The following PCDH15 variants were observed in gnomAD, a reference collection of about 807,000 sequenced individuals.
PCDH15 encodes the protein protocadherin related 15.
In PCDH15, 129 loss-of-function variants were observed where a neutral mutation model predicts 178.5. The observed-to-expected ratio is 0.72, with a 90% CI of 0.63 to 0.84. The LOEUF (loss-of-function observed/expected upper bound fraction) is 0.84, where lower values mean the gene tolerates loss of function less well. PCDH15 is among the 40% of genes least tolerant of loss of function. PCDH15 has a pLI of 0.00. For synonymous variants in PCDH15, 800 were observed against 732.0 expected, an observed-to-expected ratio of 1.09 and a Z score of -1.50; for missense variants, 2,230 against 2,099.9, an observed-to-expected ratio of 1.06 and a Z score of -1.21.
intron 8 of PCDH15, among the ~76,000 whole-genome samples, chr10:54,237,626 C>A (rs2054772732): frequency 6.6e-6 from 1 of 152,234 alleles, no homozygotes; most frequent in Admixed American, 6.5e-5. Context: ...GCTTTGCCAA[C>A]CATATGGTCT....
At chr10:54,614,153 T>C (rs1203940187) in intron 2 of PCDH15, among the ~76,000 whole-genome samples, 1 of 151,902 alleles carries the variant, frequency 6.6e-6, no homozygotes, top group Non-Finnish European at 1.5e-5. Flanking sequence ...ATGCACATAA[T>C]TGTAATTATA....
chr10:54,408,071 G>T (rs1240854201), intron 3 of PCDH15, among the ~76,000 whole-genome samples: 1 of 97,870 alleles, frequency 1.0e-5, no homozygotes. Context: ...AAAAAAAAAA[G>T]GAAAAGGAAG....
At chr10:54,158,384 C>G (rs2045369003) in intron 13 of PCDH15, among the ~76,000 whole-genome samples, 1 of 152,138 alleles carries the variant, frequency 6.6e-6, no homozygotes, top group South Asian at 2.1e-4. Flanking sequence ...GACTTATTCA[C>G]TATCATGAGA....
chr10:53,863,736 T>G (rs945550646), intron 27 of PCDH15, among the ~76,000 whole-genome samples: 1 of 152,102 alleles, frequency 6.6e-6, no homozygotes, highest in Non-Finnish European at 1.5e-5. Context: ...ATATTAATAA[T>G]GTAGAAAAGA....
chr10:54,329,515 C>A lies in PCDH15; in HGVS notation c.705+81G>T, dbSNP rs886990273. On this transcript the variant is annotated intron_variant, in intron 7 of 37. Coordinates refer to ENST00000644397, the MANE Select transcript of PCDH15 (RefSeq NM_001384140.1). ...GAAGAAGTGAGTGGCACAGAGCTCT[C>A]CAAGAGTATCTGATACATTTTGGAT... The A allele has an allele frequency of 4.8e-6, 5 of 1,047,498 alleles. No individual in the cohort carries two copies. The African/African-American group carries it at 6.3e-5, about 13-fold the overall frequency. The allele number at this position is 1,047,498 out of a possible 1,614,324, so 64.9% of individuals were successfully genotyped here. A position where few individuals can be genotyped will look rare whatever the true frequency, so the allele number is the denominator to read the frequency against.
chr10:55,353,302 T>G (rs974349443), intron 2 of PCDH15, among the ~76,000 whole-genome samples: 1 of 152,124 alleles, frequency 6.6e-6, no homozygotes. Flanking sequence ...TTTTGATTAA[T>G]ATAGATGTGT....
chr10:54,419,092 A>T (rs1268112383), intron 3 of PCDH15, among the ~76,000 whole-genome samples: 1 of 152,000 alleles, frequency 6.6e-6, no homozygotes, highest in African/African-American at 2.4e-5. Flanking sequence ...ATAATCTCCC[A>T]AGGGAATATA....
At chr10:55,529,510 C>G (rs1000824261) in intron 2 of PCDH15, among the ~76,000 whole-genome samples, 4 of 151,754 alleles carry the variant, frequency 2.6e-5, no homozygotes, top group South Asian at 4.2e-4. Context: ...GTCACTGCAC[C>G]TGGGCAGCAA....
intron 2 of PCDH15, among the ~76,000 whole-genome samples, chr10:55,029,860 A>C (rs944613598): frequency 7.2e-5 from 11 of 152,144 alleles, no homozygotes; most frequent in Admixed American, 6.6e-4. Context: ...CCCAAGGTCC[A>C]AAAGAACTTG....
At chr10:54,137,733 TTTCCTTAGCTG>T (rs2043022515) in intron 14 of PCDH15, among the ~76,000 whole-genome samples, 2 of 152,210 alleles carry the variant, frequency 1.3e-5, no homozygotes, top group South Asian at 4.1e-4. Context: ...TTGTCACCAA[TTTCCTTAGCTG>T]CAGCACCAGA....
intron 10 of PCDH15, among the ~76,000 whole-genome samples, chr10:54,203,680 T>C (rs2050485217): frequency 6.6e-6 from 1 of 152,278 alleles, no homozygotes. Flanking sequence ...TGTGTTCCCT[T>C]CCTGGACACC....
At chr10:54,077,615 A>G (rs1159299146) in intron 17 of PCDH15, among the ~76,000 whole-genome samples, 1 of 152,200 alleles carries the variant, frequency 6.6e-6, no homozygotes, top group African/African-American at 2.4e-5. Flanking sequence ...TCTATGCTAA[A>G]TAATTTCTCC....
chr10:53,953,848 G>A (rs763486670), intron 23 of PCDH15, among the ~76,000 whole-genome samples: 5 of 152,120 alleles, frequency 3.3e-5, no homozygotes, highest in African/African-American at 4.8e-5. Flanking sequence ...GGAGTGCAGT[G>A]GCGCAATCTC....
intron 1 of PCDH15, among the ~76,000 whole-genome samples, chr10:55,222,022 A>G (rs1591999591): frequency 6.7e-6 from 1 of 148,310 alleles, no homozygotes; most frequent in South Asian, 2.1e-4. Context: ...ACCCGCCACC[A>G]CACCCGGCTA....
rs116758834 is a variant in PCDH15 at position 53,959,893 on chromosome 10, G to A, written c.3010-49C>T. ...GTTAAAGATTATAAGTAAGAACAGC[G>A]TAACAGCACAATTTTTATATGTATG... On this transcript the variant is annotated intron_variant, in intron 22 of 37. Coordinates refer to ENST00000644397, the MANE Select transcript of PCDH15 (RefSeq NM_001384140.1). 4.5e-4 allele frequency: 602 copies of A among 1,331,088 alleles called. 4 individuals are homozygous for A. In the African/African-American group the frequency reaches 7.4e-3, roughly 16 times the overall value. The allele number at this position is 1,331,088 out of a possible 1,614,324, so 82.5% of individuals were successfully genotyped here.
At chr10:55,015,174 A>C (rs1840141040) in intron 2 of PCDH15, among the ~76,000 whole-genome samples, 1 of 152,120 alleles carries the variant, frequency 6.6e-6, no homozygotes, top group African/African-American at 2.4e-5. Flanking sequence ...GGTTGCAGTG[A>C]GCCAAGATCC....
At chr10:54,999,627 A>T (rs1199189130) in intron 2 of PCDH15, among the ~76,000 whole-genome samples, 5 of 151,860 alleles carry the variant, frequency 3.3e-5, no homozygotes, top group Non-Finnish European at 7.4e-5. Flanking sequence ...AGATGGTGGG[A>T]GCCAGGAACA....
At chr10:53,978,711 T>G (rs2090390892) in intron 21 of PCDH15, among the ~76,000 whole-genome samples, 1 of 152,104 alleles carries the variant, frequency 6.6e-6, no homozygotes, top group African/African-American at 2.4e-5. Flanking sequence ...TTCAAGCTTT[T>G]ATACTCTGCT....
Position 54,299,338 on chromosome 10 carries a change from A to G in PCDH15, c.876+17933T>C, listed in dbSNP as rs547012788. Among the ~76,000 whole-genome samples the G allele has an allele frequency of 3.3e-5, 5 of 152,290 alleles. No individual in the cohort carries two copies. The South Asian group carries it at 1.0e-3, about 32-fold the overall frequency. ...GAGTCAGAAAGAGAAAGACAGACAA[A>G]GAAGAGAGAGACAGACAAGAAGTCA... On this transcript the variant is annotated intron_variant, in intron 8 of 37. Coordinates refer to ENST00000644397, the MANE Select transcript of PCDH15 (RefSeq NM_001384140.1).
Sources: allele counts gnomAD v4.1 joint callset (sites outside exome capture counted in the v4.1 genomes callset), GRCh38; gene constraint gnomAD v4.1.1; transcripts MANE v1.5; gene names NCBI Gene and HGNC (gene_info 2026-07-23, HGNC 2026-07-21).